PLEKHG1: variants seen among roughly 807,000 people sequenced by gnomAD.
The protein encoded by PLEKHG1 is pleckstrin homology and RhoGEF domain containing G1.
A neutral mutation model predicts 100.8 loss-of-function variants in PLEKHG1; 44 were observed. That is an observed-to-expected ratio of 0.44 (90% confidence interval 0.34 to 0.56). The LOEUF (loss-of-function observed/expected upper bound fraction) is 0.56, where lower values mean the gene tolerates loss of function less well. PLEKHG1 is among the 20% of genes least tolerant of loss of function. PLEKHG1 has a pLI of 0.01. For missense variants in PLEKHG1, 1,545 were observed against 1,720.9 expected (o/e 0.90, Z 1.81); for synonymous variants, 640 against 662.5 (o/e 0.97, Z 0.52).
chr6:150,758,928 A>G (rs1369620023), intron 2 of PLEKHG1, among the ~76,000 whole-genome samples: 2 of 152,164 alleles, frequency 1.3e-5, no homozygotes, highest in African/African-American at 4.8e-5. Flanking sequence ...CCTGCTTTCC[A>G]GGCTCCCCAT....
At chr6:150,796,360 C>G (rs1786332156) in intron 5 of PLEKHG1, among the ~76,000 whole-genome samples, 1 of 152,100 alleles carries the variant, frequency 6.6e-6, no homozygotes, top group Non-Finnish European at 1.5e-5. Flanking sequence ...AGAGGAAGGA[C>G]AGATCATCAT....
chr6:150,627,424 G>GGGTGGACA (rs1450907952), intron 1 of PLEKHG1, among the ~76,000 whole-genome samples: 1 of 152,030 alleles, frequency 6.6e-6, no homozygotes, highest in African/African-American at 2.4e-5. Flanking sequence ...CCACTCAGAA[G>GGGTGGACA]GGTGGACATT....
intron 3 of PLEKHG1, among the ~76,000 whole-genome samples, chr6:150,658,643 T>C (rs1206758374): frequency 6.6e-6 from 1 of 152,182 alleles, no homozygotes; most frequent in African/African-American, 2.4e-5. Flanking sequence ...TCACATATTC[T>C]TAAAGCTGCC....
At chr6:150,721,106 G>A (rs1781651617) in exon 1 of PLEKHG1, 2 of 975,980 alleles carry the variant, frequency 2.0e-6, no homozygotes, top group Non-Finnish European at 2.4e-6. Context: ...TACGGAAGGC[G>A]CTGCACAGAC....
chr6:150,828,126 A>G, intron 14 of PLEKHG1: 2 of 1,613,496 alleles, frequency 1.2e-6, no homozygotes. Flanking sequence ...AACAACCTGC[A>G]TACCCAATTA....
chr6:150,784,069 T>C (rs1468058589), intron 3 of PLEKHG1, among the ~76,000 whole-genome samples: 1 of 152,218 alleles, frequency 6.6e-6, no homozygotes, highest in East Asian at 1.9e-4. Context: ...AAGAATTTCA[T>C]AATGTCTCAG....
At chr6:150,726,110 G>T (rs944661198) in intron 1 of PLEKHG1, among the ~76,000 whole-genome samples, 5 of 152,102 alleles carry the variant, frequency 3.3e-5, no homozygotes, top group African/African-American at 1.2e-4. Flanking sequence ...GCCAGGGAGT[G>T]GGGAGAGGGA....
chr6:150,733,707 C>G, exon 2 of PLEKHG1: 1 of 1,614,190 alleles, frequency 6.2e-7, no homozygotes, highest in Non-Finnish European at 8.5e-7. Context: ...AGTGACCGAC[C>G]CGTCAGCTTC....
intron 3 of PLEKHG1, among the ~76,000 whole-genome samples, chr6:150,656,385 T>C (rs1313863416): frequency 6.6e-6 from 1 of 152,192 alleles, no homozygotes; most frequent in Non-Finnish European, 1.5e-5. Context: ...TCTTGGACAG[T>C]CTGTCCTCAG....
At chr6:150,615,613 A>G (rs1777042830) in intron 1 of PLEKHG1, among the ~76,000 whole-genome samples, 1 of 152,244 alleles carries the variant, frequency 6.6e-6, no homozygotes, top group Non-Finnish European at 1.5e-5. Flanking sequence ...ATAAAATCAC[A>G]TAGGCTAGAA....
chr6:150,783,507 C>T (rs1785443534), intron 3 of PLEKHG1, among the ~76,000 whole-genome samples: 1 of 151,984 alleles, frequency 6.6e-6, no homozygotes, highest in Non-Finnish European at 1.5e-5. Flanking sequence ...GTAGCTGGGA[C>T]TGCAGGTGTG....
intron 4 of PLEKHG1, among the ~76,000 whole-genome samples, chr6:150,794,669 A>G (rs1786210452): frequency 6.6e-6 from 1 of 152,198 alleles, no homozygotes; most frequent in Non-Finnish European, 1.5e-5. Context: ...TCCGTCTCAA[A>G]AAAATAAAGT....
chr6:150,722,561 C>CT (rs1211490109), intron 1 of PLEKHG1, among the ~76,000 whole-genome samples: 1 of 152,024 alleles, frequency 6.6e-6, no homozygotes, highest in African/African-American at 2.4e-5. Context: ...ACCATGTTAG[C>CT]CAGGCTGGTC....
intron 3 of PLEKHG1, among the ~76,000 whole-genome samples, chr6:150,699,046 C>G (rs956356594): frequency 6.6e-6 from 1 of 152,106 alleles, no homozygotes. Context: ...TACGTCTTCA[C>G]GACCGAAATA....
At chr6:150,787,999 C>T (rs1785733056) in intron 4 of PLEKHG1, among the ~76,000 whole-genome samples, 1 of 152,286 alleles carries the variant, frequency 6.6e-6, no homozygotes, top group East Asian at 1.9e-4. Context: ...GTTAGAATAA[C>T]CACAGCACAT....
intron 3 of PLEKHG1, among the ~76,000 whole-genome samples, chr6:150,679,364 G>A (rs1012890152): frequency 3.3e-5 from 5 of 152,154 alleles, no homozygotes; most frequent in Non-Finnish European, 7.3e-5. Flanking sequence ...ATTTCTCAGG[G>A]CAGAGAAGAT....
At chr6:150,753,872 G>T (rs1376169851) in intron 2 of PLEKHG1, among the ~76,000 whole-genome samples, 1 of 152,218 alleles carries the variant, frequency 6.6e-6, no homozygotes, top group Non-Finnish European at 1.5e-5. Flanking sequence ...TCGCCTCTTA[G>T]CTAGAGAGGG....
At chr6:150,607,593 G>T (rs1246842635) in intron 1 of PLEKHG1, among the ~76,000 whole-genome samples, 1 of 152,200 alleles carries the variant, frequency 6.6e-6, no homozygotes, top group African/African-American at 2.4e-5. Flanking sequence ...AACAAGTAAA[G>T]GTGAACGATG....
Position 150,742,564 on chromosome 6 carries a change from C to CAA in PLEKHG1, c.411+8499_411+8500dup, listed in dbSNP as rs58003146. ...TAGGCAATAGAGTGAGACTCCATCT[C>CAA]AAAAAAAAAAAAAAAAAAAAAAAAA... On this transcript the variant is annotated intron_variant, in intron 2 of 15. Coordinates refer to ENST00000358517, the Ensembl canonical transcript of PLEKHG1. 1.7e-4 allele frequency among the ~76,000 whole-genome samples: 8 copies of CAA among 48,354 alleles called. 1 individual carries two copies. The highest frequency in any genetic ancestry group is 6.8e-4 in the African/African-American group (8 of 11,804). 31.7% of individuals were successfully genotyped at this position (48,354 alleles called of 152,430 possible).
Sources: gnomAD v4.1 joint callset for allele counts (sites outside exome capture counted in the v4.1 genomes callset) on GRCh38, gnomAD v4.1.1 for gene constraint, MANE v1.5 for transcripts, NCBI Gene and HGNC (gene_info 2026-07-23, HGNC 2026-07-21) for gene names.